The following RSPRY1 variants were observed in gnomAD, a reference collection of about 807,000 sequenced individuals.
RSPRY1 encodes ring finger and SPRY domain containing 1.
In RSPRY1, 23 loss-of-function variants were observed where a neutral mutation model predicts 73.1. That is an observed-to-expected ratio of 0.31 (90% CI 0.23 to 0.45). RSPRY1 has a LOEUF of 0.45. Among genes scored for constraint, RSPRY1 ranks in the 20% least tolerant of loss-of-function variants. The probability of loss-of-function intolerance (pLI) is 1.00; values close to 1 mark genes in which losing one functional copy is unlikely to be tolerated. For synonymous variants in RSPRY1, 226 were observed against 251.4 expected (o/e 0.90, Z 0.95); for missense variants, 448 against 698.7 (o/e 0.64, Z 4.05).
intron 2 of RSPRY1, among the ~76,000 whole-genome samples, chr16:57,205,546 G>C (rs143327224): frequency 1.3e-5 from 2 of 152,326 alleles, no homozygotes; most frequent in South Asian, 2.1e-4. Flanking sequence ...AGGCACACCT[G>C]TACCTGTTTT....
chr16:57,216,353 C>A, intron 7 of RSPRY1, 180 bp downstream of exon 7: 1 of 519,608 alleles, frequency 1.9e-6, no homozygotes, highest in East Asian at 3.1e-5. Flanking sequence ...CAAGGATTTT[C>A]TCACCTAAGA....
chr16:57,208,399 TA>T (rs67407530), intron 3 of RSPRY1, among the ~76,000 whole-genome samples: 24,571 of 59,040 alleles, frequency 0.42, 3,762 homozygotes, highest in Non-Finnish European at 0.46. Flanking sequence ...TATATATATA[TA>T]TTTTTTTTTT....
At chr16:57,227,828 A>T (rs545780875) in intron 11 of RSPRY1, among the ~76,000 whole-genome samples, 1 of 152,276 alleles carries the variant, frequency 6.6e-6, no homozygotes, top group African/African-American at 2.4e-5. Flanking sequence ...TGGCTATGGA[A>T]CAGGTCCTAT....
chr16:57,208,917 G>A (rs1175388249), intron 3 of RSPRY1, among the ~76,000 whole-genome samples, 158 bp from the exon 4 acceptor site: 1 of 151,960 alleles, frequency 6.6e-6, no homozygotes, highest in African/African-American at 2.4e-5. Flanking sequence ...ACTCCACCAC[G>A]ATGACTAGCA....
intron 13 of RSPRY1, among the ~76,000 whole-genome samples, chr16:57,232,214 CTT>C (rs2075233792): frequency 3.3e-5 from 5 of 152,266 alleles, no homozygotes; most frequent in African/African-American, 1.2e-4. Context: ...AATCCTAGCT[CTT>C]GTTTTGGCTC....
In RSPRY1 at chr16:57,212,159, A is replaced by C. The variant is rs540234235; in HGVS notation, c.517-813A>C. ...AGATTCCCATCTCTACAGAAAATTA[A>C]AATTATCTGGGCACTGTGACATGTG... On this transcript the variant is annotated intron_variant, in intron 4 of 14. Transcript: ENST00000394420. 8.5e-5 allele frequency among the ~76,000 whole-genome samples: 13 copies of C among 152,226 alleles called. No homozygotes were observed. The East Asian group carries it at 2.3e-3, about 27-fold the overall frequency.
At chr16:57,232,581 C>T (rs2075241253) in intron 13 of RSPRY1, among the ~76,000 whole-genome samples, 1 of 152,068 alleles carries the variant, frequency 6.6e-6, no homozygotes, top group Non-Finnish European at 1.5e-5. Context: ...TGGATGAAGC[C>T]CACAAATAAG....
At chr16:57,230,390 G>A (rs2075197095) in intron 11 of RSPRY1, among the ~76,000 whole-genome samples, 1 of 152,176 alleles carries the variant, frequency 6.6e-6, no homozygotes, top group Admixed American at 6.5e-5. Flanking sequence ...AGAGGCAAGT[G>A]ACCACATGAT....
chr16:57,221,177 A>G, intron 9 of RSPRY1, 95 bp from the exon 10 acceptor site: 1 of 1,467,548 alleles, frequency 6.8e-7, no homozygotes. Context: ...AGAAGTTTTA[A>G]TAAGGAAAAA....
intron 8 of RSPRY1, among the ~76,000 whole-genome samples, chr16:57,217,784 C>T (rs1454188200): frequency 2.0e-5 from 3 of 152,154 alleles, no homozygotes; most frequent in Non-Finnish European, 4.4e-5. Context: ...CCCTCACTCC[C>T]CCATCCATGG....
intron 11 of RSPRY1, among the ~76,000 whole-genome samples, chr16:57,229,480 G>A (rs1366741269): frequency 6.6e-6 from 1 of 151,762 alleles, no homozygotes; most frequent in Non-Finnish European, 1.5e-5. Flanking sequence ...TTTGCCAGGG[G>A]TGGTGGCACG....
At chr16:57,229,580 C>T (rs1348144662) in intron 11 of RSPRY1, among the ~76,000 whole-genome samples, 2 of 151,656 alleles carry the variant, frequency 1.3e-5, no homozygotes, top group East Asian at 3.9e-4. Flanking sequence ...GATTGTACCA[C>T]TGCACTCCAG....
intron 2 of RSPRY1, among the ~76,000 whole-genome samples, chr16:57,205,476 C>G (rs2074707120): frequency 6.6e-6 from 1 of 152,152 alleles, no homozygotes; most frequent in Non-Finnish European, 1.5e-5. Flanking sequence ...TTTATTTGAT[C>G]CTTTATCCCT....
At chr16:57,210,211 T>A (rs1420881629) in intron 4 of RSPRY1, among the ~76,000 whole-genome samples, 1 of 151,798 alleles carries the variant, frequency 6.6e-6, no homozygotes, top group Non-Finnish European at 1.5e-5. Flanking sequence ...CCCATGTTGC[T>A]GGACTACAGG....
At chr16:57,212,868 C>G in intron 4 of RSPRY1, 104 bp from the exon 5 acceptor site, 3 of 1,256,826 alleles carry the variant, frequency 2.4e-6, no homozygotes, top group Non-Finnish European at 3.3e-6. Flanking sequence ...CCGCCTCGGC[C>G]TCCCAAAGTG....
intron 1 of RSPRY1, among the ~76,000 whole-genome samples, chr16:57,194,303 A>G (rs894089750): frequency 2.6e-5 from 4 of 152,210 alleles, no homozygotes; most frequent in African/African-American, 9.6e-5. Flanking sequence ...TGGTGGGGAT[A>G]AAGCAAGTTT....
At chr16:57,215,700 G>A (rs1283583682) in intron 6 of RSPRY1, among the ~76,000 whole-genome samples, 2 of 152,114 alleles carry the variant, frequency 1.3e-5, no homozygotes, top group Admixed American at 6.5e-5. Context: ...GTGATAAGTG[G>A]TTCTTTTTAG....
At chr16:57,225,300 A>G (rs541425950) in intron 10 of RSPRY1, among the ~76,000 whole-genome samples, 59 of 152,300 alleles carry the variant, frequency 3.9e-4, no homozygotes, top group Non-Finnish European at 7.1e-4. Context: ...GCCTCAAGTG[A>G]TCTGCCCCCC....
Position 57,231,163 on chromosome 16 carries a change from G to A in RSPRY1, c.1377-4G>A. 6.2e-7 allele frequency: 1 copy of A among 1,611,674 alleles called. No homozygotes were observed. Among genetic ancestry groups the A allele is most frequent in the Non-Finnish European group, 8.5e-7 (1 of 1,178,892 alleles). On this transcript the variant is annotated splice_region_variant and splice_polypyrimidine_tract_variant and intron_variant, in intron 12 of 14. Coordinates refer to ENST00000394420, the MANE Select transcript of RSPRY1 (RefSeq NM_133368.3). ...ATTGGCCTCTGTACTCATTTTATTT[G>A]TAGATCTGGATTTTTTGCTGCAGCT...
Sources: allele counts gnomAD v4.1 joint callset (sites outside exome capture counted in the v4.1 genomes callset), GRCh38; gene constraint gnomAD v4.1.1; transcripts MANE v1.5; gene names NCBI Gene and HGNC (gene_info 2026-07-23, HGNC 2026-07-21).